Variants in FBXL7 observed in about 807,000 individuals in gnomAD.
The protein encoded by FBXL7 is F-box/LRR-repeat protein 7.
In FBXL7, 12 loss-of-function variants were observed where a neutral mutation model predicts 38.3. The ratio of observed to expected loss-of-function variants is 0.31; its 90% CI spans 0.20 to 0.51. The LOEUF is 0.51. Among genes scored for constraint, FBXL7 ranks in the 20% least tolerant of loss-of-function variants. FBXL7 has a pLI of 0.98. For missense variants in FBXL7, 567 were observed against 676.4 expected, an observed-to-expected ratio of 0.84 and a Z score of 1.79; for synonymous variants, 297 against 300.9, an observed-to-expected ratio of 0.99 and a Z score of 0.13.
rs752570461 is a variant in FBXL7, at chr5:15,928,504, A to T, written c.739+3A>T. ...TCTGGAGCACCTGGATGTGTCAGGT[A>T]AATGGACACTGACCTACCAGCTATG... is the stretch of plus-strand genomic sequence containing the variant. On this transcript the variant is annotated splice_donor_region_variant and intron_variant, in intron 3 of 3. Transcript: ENST00000504595. This position sits in a 1 kb window ranked among gnomAD's most constrained non-coding sequence, Gnocchi z 4.0. 1 of 1,606,362 alleles carries T rather than the reference A, an allele frequency of 6.2e-7. No individual in the cohort carries two copies. The highest frequency in any genetic ancestry group is 8.5e-7 in the Non-Finnish European group (1 of 1,174,824).
At chr5:15,852,412 C>T (rs963891508) in intron 2 of FBXL7, among the ~76,000 whole-genome samples, 1 of 152,164 alleles carries the variant, frequency 6.6e-6, no homozygotes, top group Non-Finnish European at 1.5e-5. Flanking sequence ...CAGCAAATTA[C>T]TTTTCCATCA....
At chr5:15,682,281 TC>T (rs1742866589) in intron 2 of FBXL7, among the ~76,000 whole-genome samples, 1 of 152,172 alleles carries the variant, frequency 6.6e-6, no homozygotes, top group Non-Finnish European at 1.5e-5. Context: ...GTGAATGGCC[TC>T]CCTCACCTCT....
intron 2 of FBXL7, among the ~76,000 whole-genome samples, chr5:15,837,583 T>TAAA (rs1738627332): frequency 6.6e-6 from 1 of 152,210 alleles, no homozygotes; most frequent in Admixed American, 6.5e-5. Flanking sequence ...TCCAGCAAAG[T>TAAA]AAAATTGAGC....
chr5:15,902,216 G>A (rs1175847430), intron 2 of FBXL7, among the ~76,000 whole-genome samples: 1 of 152,106 alleles, frequency 6.6e-6, no homozygotes, highest in East Asian at 1.9e-4. Context: ...TCAATATTTG[G>A]ATTGGAACAG....
intron 2 of FBXL7, among the ~76,000 whole-genome samples, chr5:15,718,666 G>A (rs1025014254): frequency 6.6e-6 from 1 of 152,150 alleles, no homozygotes; most frequent in Non-Finnish European, 1.5e-5. Context: ...AGGCTTTTCC[G>A]CTAAGGAAAA....
At chr5:15,719,370 G>A (rs1377921014) in intron 2 of FBXL7, among the ~76,000 whole-genome samples, 2 of 122,832 alleles carry the variant, frequency 1.6e-5, no homozygotes, top group African/African-American at 2.8e-5. Flanking sequence ...CATCTCTGAT[G>A]TTTCTGATAT....
At chr5:15,781,712 C>G (rs1266527638) in intron 2 of FBXL7, among the ~76,000 whole-genome samples, 1 of 151,796 alleles carries the variant, frequency 6.6e-6, no homozygotes, top group African/African-American at 2.4e-5. Flanking sequence ...AATGAGAAAC[C>G]AGGAAGTGGA....
chr5:15,592,580 A>C (rs1739513118), intron 1 of FBXL7, among the ~76,000 whole-genome samples: 1 of 152,200 alleles, frequency 6.6e-6, no homozygotes, highest in Non-Finnish European at 1.5e-5. Context: ...TTTAAATGTG[A>C]GTACTGCTGA....
chr5:15,820,420 C>A (rs1207535924), intron 2 of FBXL7, among the ~76,000 whole-genome samples: 1 of 152,138 alleles, frequency 6.6e-6, no homozygotes, highest in East Asian at 1.9e-4. Context: ...CTTACCCCGC[C>A]TTTCACTGGC....
At chr5:15,814,923 G>T (rs1737974895) in intron 2 of FBXL7, among the ~76,000 whole-genome samples, 1 of 152,134 alleles carries the variant, frequency 6.6e-6, no homozygotes. Context: ...CATTTCACTA[G>T]TGTTGTTTGA....
chr5:15,649,865 C>A (rs968506290), intron 2 of FBXL7, among the ~76,000 whole-genome samples: 1 of 152,114 alleles, frequency 6.6e-6, no homozygotes, highest in Non-Finnish European at 1.5e-5. Flanking sequence ...ACTTTGACAC[C>A]AAATGGCTGG....
chr5:15,543,659 T>C (rs1737819621), intron 1 of FBXL7, among the ~76,000 whole-genome samples: 1 of 152,204 alleles, frequency 6.6e-6, no homozygotes, highest in Admixed American at 6.5e-5. Context: ...GAATGGGAAT[T>C]TGACAAGTCA....
chr5:15,641,541 G>A (rs937527790), intron 2 of FBXL7, among the ~76,000 whole-genome samples: 2 of 148,984 alleles, frequency 1.3e-5, no homozygotes, highest in African/African-American at 5.0e-5. Flanking sequence ...AATATTATGT[G>A]TCAACTTGAC....
chr5:15,925,181 A>T (rs866920381), intron 2 of FBXL7, among the ~76,000 whole-genome samples: 2 of 152,222 alleles, frequency 1.3e-5, no homozygotes, highest in Middle Eastern at 3.2e-3. Context: ...TTGAATGGTA[A>T]TGCTAATATG....
intron 2 of FBXL7, among the ~76,000 whole-genome samples, chr5:15,628,102 G>A (rs1340316482): frequency 6.6e-6 from 1 of 152,232 alleles, no homozygotes; most frequent in African/African-American, 2.4e-5. Context: ...ATGGGAATTA[G>A]GTGGCAACAG....
chr5:15,658,608 G>A (rs1434506565), intron 2 of FBXL7, among the ~76,000 whole-genome samples: 2 of 152,094 alleles, frequency 1.3e-5, no homozygotes. Context: ...CAGAAACCGA[G>A]CTCCCTGAGT....
At position 15,914,385 on chromosome 5, in the gene FBXL7, CAA is replaced by C. The variant is rs57871930; in HGVS notation, c.128-13486_128-13485del. Among the ~76,000 whole-genome samples, 340 of 81,660 alleles carry C rather than the reference CAA, an allele frequency of 4.2e-3. 2 individuals are homozygous for C. Among genetic ancestry groups the C allele is most frequent in the Admixed American group, 8.1e-3 (65 of 8,054 alleles). The allele number at this position is 81,660 out of a possible 152,430, so 53.6% of individuals were successfully genotyped here. A position where few individuals can be genotyped will look rare whatever the true frequency, so the allele number is the denominator to read the frequency against. On this transcript the variant is annotated intron_variant, in intron 2 of 3. Transcript: ENST00000504595. ...TGGGCGACAGAGCAAGACTCCCTCT[CAA>C]AAAAAAAAAAAAAAAAAAGGAATGA...
intron 1 of FBXL7, among the ~76,000 whole-genome samples, chr5:15,613,721 A>G (rs1740337210): frequency 6.6e-6 from 1 of 152,118 alleles, no homozygotes; most frequent in African/African-American, 2.4e-5. Flanking sequence ...AAGGAGTTCT[A>G]CTCTGTATGA....
intron 2 of FBXL7, among the ~76,000 whole-genome samples, chr5:15,712,715 GA>G: frequency 6.6e-6 from 1 of 152,158 alleles, no homozygotes; most frequent in South Asian, 2.1e-4. Context: ...GCAAAGAAAG[GA>G]AAAAAGGAAG....
Sources: gnomAD v4.1 joint callset for allele counts (sites outside exome capture counted in the v4.1 genomes callset) on GRCh38, gnomAD v4.1.1 for gene constraint, Gnocchi (gnomAD v3.1) non-coding constraint, MANE v1.5 for transcripts, NCBI Gene and HGNC (gene_info 2026-07-23, HGNC 2026-07-21) for gene names.